Variants in ITCH observed in about 807,000 individuals in gnomAD.
The protein encoded by ITCH is E3 ubiquitin-protein ligase Itchy homolog.
ITCH carries 28 observed loss-of-function variants against 126.8 expected under a neutral mutation model. That is an observed-to-expected ratio of 0.22 (90% CI 0.16 to 0.30). The LOEUF (loss-of-function observed/expected upper bound fraction) is 0.30. ITCH is among the 10% of genes least tolerant of loss of function. The pLI, the probability that ITCH is intolerant of heterozygous loss-of-function variation, is 1.00. For missense variants in ITCH, 631 were observed against 1,032.4 expected (o/e 0.61, Z 5.33); for synonymous variants, 342 against 340.0 (o/e 1.01, Z -0.06).
At chr20:34,412,405 AG>A in intron 4 of ITCH, 109 bp from the exon 5 acceptor site, 4 of 772,782 alleles carry the variant, frequency 5.2e-6, no homozygotes, top group Non-Finnish European at 8.7e-6. Flanking sequence ...GTAAACTGTA[AG>A]GGGTGCAGTG....
chr20:34,389,425 A>G (rs1380435990), intron 2 of ITCH, among the ~76,000 whole-genome samples: 2 of 152,166 alleles, frequency 1.3e-5, no homozygotes, highest in Admixed American at 1.3e-4. Context: ...AATTGATGCC[A>G]TGCTCTCTGT....
At chr20:34,455,889 A>G (rs933676166) in intron 12 of ITCH, among the ~76,000 whole-genome samples, 7 of 151,914 alleles carry the variant, frequency 4.6e-5, no homozygotes, top group Non-Finnish European at 1.0e-4. Flanking sequence ...CAGTTGGGGA[A>G]CAAGCAGCAG....
chr20:34,480,478 A>C (rs1327689589), intron 18 of ITCH, 121 bp from the exon 19 acceptor site: 2 of 1,188,124 alleles, frequency 1.7e-6, no homozygotes, highest in African/African-American at 3.0e-5. Flanking sequence ...CTGGGATTAC[A>C]GGCGTGAGCC....
chr20:34,374,747 T>A (rs1489656239), intron 2 of ITCH, among the ~76,000 whole-genome samples: 1 of 151,954 alleles, frequency 6.6e-6, no homozygotes. Context: ...TTTTTTTTTT[T>A]TTTGAGACAG....
chr20:34,464,619 G>A (rs192614073), intron 14 of ITCH, among the ~76,000 whole-genome samples: 4 of 152,012 alleles, frequency 2.6e-5, no homozygotes, highest in Non-Finnish European at 5.9e-5. Context: ...GAAGCTCCGC[G>A]CCCAGCCTGT....
intron 2 of ITCH, among the ~76,000 whole-genome samples, chr20:34,385,275 C>G (rs1479015002): frequency 7.2e-6 from 1 of 138,676 alleles, no homozygotes; most frequent in African/African-American, 2.7e-5. Flanking sequence ...GTTGGCCAGG[C>G]TGGTCTCGAA....
intron 16 of ITCH, among the ~76,000 whole-genome samples, chr20:34,474,741 C>T (rs887694004): frequency 2.6e-4 from 39 of 149,582 alleles, no homozygotes; most frequent in African/African-American, 7.9e-4. Flanking sequence ...TAGGGGCGGC[C>T]GGGCAGAGGC....
intron 9 of ITCH, 74 bp downstream of exon 9, chr20:34,440,418 A>G (rs1446638162): frequency 3.0e-6 from 3 of 990,770 alleles, no homozygotes; most frequent in African/African-American, 3.2e-5. Context: ...AAGGAAAATA[A>G]CAGTAAACAA....
chr20:34,476,298 C>T, intron 16 of ITCH: 3 of 911,704 alleles, frequency 3.3e-6, no homozygotes, highest in African/African-American at 1.6e-5. Flanking sequence ...AGCTGCTCCG[C>T]GCCCCTGCCG....
In ITCH at chr20:34,469,032, A is replaced by G. The variant is rs1159590444; in HGVS notation, c.1425-1016A>G. Among the ~76,000 whole-genome samples, 7 of 152,196 alleles carry G rather than the reference A, an allele frequency of 4.6e-5. No homozygotes were observed. The East Asian group carries it at 1.3e-3, about 29-fold the overall frequency. ...TGAATTTTTAAGAGGGAGATAATGC[A>G]GTGGTATTAAGTCCAAGGCTAGCTG... On this transcript the variant is annotated intron_variant, in intron 14 of 24. Coordinates refer to ENST00000374864, the MANE Select transcript of ITCH (RefSeq NM_031483.7).
rs147824534 is a variant in ITCH at position 34,479,735 on chromosome 20, C to G, written c.1764C>G (p.Tyr588Ter). 6.2e-7 allele frequency: 1 copy of G among 1,613,978 alleles called. No individual in the cohort carries two copies. The highest frequency in any genetic ancestry group is 1.3e-5 in the African/African-American group (1 of 74,926). The stretch of plus-strand genomic sequence containing the variant: ...GCTTGCAGATAAACCCCGCTTCTTA[C>G]ATCAATCCAGATCACCTGAAATATT... The part of the protein sequence containing the change: ...NYCLQINPAS[Y>*]INPDHLKYFR... The change falls in exon 18 of 25, where the codon TAC becomes TAG. Residue 588 changes from tyrosine (Y) to a stop codon, truncating the protein, a stop_gained. Transcript: ENST00000374864. LOFTEE classifies it high-confidence loss of function.
At chr20:34,433,523 C>T (rs1050269087) in intron 7 of ITCH, among the ~76,000 whole-genome samples, 1 of 151,914 alleles carries the variant, frequency 6.6e-6, no homozygotes, top group African/African-American at 2.4e-5. Flanking sequence ...ACAAAAAATA[C>T]AAAAATTAGC....
chr20:34,463,812 C>G (rs1217692149), intron 14 of ITCH, among the ~76,000 whole-genome samples: 1 of 149,532 alleles, frequency 6.7e-6, no homozygotes, highest in African/African-American at 2.5e-5. Flanking sequence ...TTTTCTTTTG[C>G]GATTGAGTTT....
chr20:34,470,203 C>A, intron 15 of ITCH, 83 bp downstream of exon 15: 2 of 1,100,264 alleles, frequency 1.8e-6, no homozygotes, highest in Non-Finnish European at 2.8e-6. Context: ...AAATACTTAA[C>A]TCACAGAAAA....
At position 34,402,369 on chromosome 20, in the gene ITCH, A is replaced by T. The variant is rs1353946156; in HGVS notation, c.71-6282A>T. ...CAATAGTAGAGGGGTCATCTTTGAGATCAATTTGGGTCCCAACAAGCAACA... is the reference window on the plus strand; with the variant it reads ...CAATAGTAGAGGGGTCATCTTTGAGTTCAATTTGGGTCCCAACAAGCAACA... On this transcript the variant is annotated intron_variant, in intron 3 of 24. Transcript: ENST00000374864. The T allele has an allele frequency of 5.4e-5, 45 of 832,330 alleles. No individual in the cohort carries two copies. In the Admixed American group the frequency reaches 7.3e-4, roughly 14 times the overall value. The allele number at this position is 832,330 out of a possible 1,614,324, so 51.6% of individuals were successfully genotyped here.
chr20:34,433,151 A>G (rs13044413), intron 7 of ITCH, among the ~76,000 whole-genome samples: 53,021 of 151,896 alleles, frequency 0.35, 10,493 homozygotes, highest in Middle Eastern at 0.47. Flanking sequence ...TTGGCCGGGC[A>G]TGGTGGCAGG....
intron 23 of ITCH, among the ~76,000 whole-genome samples, chr20:34,500,865 T>C (rs898681226): frequency 6.6e-6 from 1 of 151,368 alleles, no homozygotes. Context: ...ATACTTTTTG[T>C]GTATTTTCAT....
At chr20:34,435,222 G>A (rs1280231446) in intron 7 of ITCH, among the ~76,000 whole-genome samples, 1 of 151,462 alleles carries the variant, frequency 6.6e-6, no homozygotes, top group Non-Finnish European at 1.5e-5. Flanking sequence ...AGGCTGGAGT[G>A]CAGTAGCACA....
chr20:34,492,272 T>C (rs1482857106), intron 22 of ITCH, among the ~76,000 whole-genome samples: 1 of 152,194 alleles, frequency 6.6e-6, no homozygotes, highest in African/African-American at 2.4e-5. Context: ...GGCTTGCTCC[T>C]ATAGTCCCAG....
Sources: allele counts gnomAD v4.1 joint callset (sites outside exome capture counted in the v4.1 genomes callset), GRCh38; gene constraint gnomAD v4.1.1; transcripts MANE v1.5; gene names NCBI Gene and HGNC (gene_info 2026-07-23, HGNC 2026-07-21).